The following UTRN variants were observed in gnomAD, a reference collection of about 807,000 sequenced individuals.
The protein encoded by UTRN is utrophin.
A neutral mutation model predicts 463.9 loss-of-function variants in UTRN; 283 were observed. The ratio of observed to expected loss-of-function variants is 0.61; its 90% confidence interval spans 0.55 to 0.67. The LOEUF is 0.67. UTRN is among the 30% of genes least tolerant of loss of function. UTRN has a pLI of 0.00. For missense variants in UTRN, 3,922 were observed against 4,084.3 expected, an observed-to-expected ratio of 0.96 and a Z score of 1.08; for synonymous variants, 1,442 against 1,431.5, an observed-to-expected ratio of 1.01 and a Z score of -0.17.
chr6:144,769,990 C>T (rs773764550), intron 58 of UTRN, among the ~76,000 whole-genome samples: 17 of 152,118 alleles, frequency 1.1e-4, no homozygotes, highest in Admixed American at 2.0e-4. Context: ...CTTCAGTACC[C>T]GGCTCCATGG....
chr6:144,588,087 A>G (rs961923288), intron 51 of UTRN, among the ~76,000 whole-genome samples: 8 of 151,930 alleles, frequency 5.3e-5, no homozygotes, highest in Non-Finnish European at 8.8e-5. Flanking sequence ...TACTTTCTCT[A>G]CTCTGCGTTT....
intron 53 of UTRN, among the ~76,000 whole-genome samples, chr6:144,710,147 G>C (rs912765648): frequency 6.6e-6 from 1 of 152,204 alleles, no homozygotes; most frequent in Non-Finnish European, 1.5e-5. Flanking sequence ...ATGTTTAGGT[G>C]ATGGCTCTGA....
intron 3 of UTRN, among the ~76,000 whole-genome samples, chr6:144,406,306 TC>T (rs1222955997): frequency 1.1e-4 from 16 of 152,018 alleles, no homozygotes; most frequent in Non-Finnish European, 1.6e-4. Flanking sequence ...AATTGGTTCT[TC>T]CATTCCATGC....
At chr6:144,733,763 C>T (rs1488579383) in intron 54 of UTRN, among the ~76,000 whole-genome samples, 3 of 151,998 alleles carry the variant, frequency 2.0e-5, no homozygotes, top group Admixed American at 1.3e-4. Flanking sequence ...TGAACTAGTC[C>T]AAGGCTATTC....
chr6:144,852,916 C>T lies in UTRN; in HGVS notation c.*1919C>T, dbSNP rs1782563435. The T allele has an allele frequency of 6.6e-6, 1 of 152,498 alleles. No homozygotes were observed. The highest frequency in any genetic ancestry group is 2.4e-5 in the African/African-American group (1 of 41,424). The allele number at this position is 152,498 out of a possible 1,614,324, so 9.4% of individuals were successfully genotyped here. The stretch of plus-strand genomic sequence containing the variant: ...AATAAAAAGAAATATATTGCAGTAA[C>T]AATGGGAAGTAAGTATGTAGTTCTT... On this transcript the variant is annotated 3_prime_UTR_variant, in exon 75 of 75. Transcript: ENST00000367545.
At chr6:144,511,600 A>G (rs1483414442) in intron 35 of UTRN, among the ~76,000 whole-genome samples, 2 of 152,222 alleles carry the variant, frequency 1.3e-5, no homozygotes, top group African/African-American at 4.8e-5. Flanking sequence ...TAAAATGGAC[A>G]TTATTATATC....
chr6:144,754,301 G>C (rs1227391260), intron 56 of UTRN, among the ~76,000 whole-genome samples: 1 of 152,158 alleles, frequency 6.6e-6, no homozygotes, highest in Non-Finnish European at 1.5e-5. Context: ...GCAATGCAGA[G>C]TAACAGTTAG....
intron 48 of UTRN, among the ~76,000 whole-genome samples, chr6:144,554,234 G>T (rs12201476): frequency 0.26 from 39,375 of 152,024 alleles, 6,025 homozygotes; most frequent in African/African-American, 0.42. Context: ...ACACAGTTCA[G>T]TTTCTTCTAA....
intron 17 of UTRN, among the ~76,000 whole-genome samples, chr6:144,451,115 A>G (rs978905842): frequency 4.0e-5 from 6 of 149,758 alleles, no homozygotes; most frequent in Non-Finnish European, 8.8e-5. Context: ...CCATCTCGAA[A>G]CAACAACAAC....
intron 65 of UTRN, among the ~76,000 whole-genome samples, chr6:144,812,817 CT>C (rs1381766386): frequency 6.6e-6 from 1 of 152,134 alleles, no homozygotes; most frequent in African/African-American, 2.4e-5. Flanking sequence ...TTCAGTGATA[CT>C]TTCCATATTT....
intron 49 of UTRN, among the ~76,000 whole-genome samples, chr6:144,556,754 C>T (rs976139247): frequency 8.5e-5 from 13 of 152,140 alleles, no homozygotes; most frequent in Admixed American, 8.5e-4. Context: ...AGATGGAAGA[C>T]GTCCATGTTG....
Position 144,652,800 on chromosome 6 carries a change from A to G in UTRN, c.7480-25606A>G, listed in dbSNP as rs76429180. Among the ~76,000 whole-genome samples the G allele has an allele frequency of 3.3e-3, 500 of 152,304 alleles. 4 individuals carry two copies. The highest frequency in any genetic ancestry group is 5.0e-3 in the Non-Finnish European group (342 of 68,022). ...TGTCTGTCCCTTAGAAAAGCTTACC[A>G]TTGACCAGCCCACTGCTGCAGAAAG... On this transcript the variant is annotated intron_variant, in intron 51 of 74. Transcript: ENST00000367545.
chr6:144,379,043 A>C (rs1780694189), intron 2 of UTRN, among the ~76,000 whole-genome samples: 1 of 152,220 alleles, frequency 6.6e-6, no homozygotes, highest in Non-Finnish European at 1.5e-5. Context: ...AATAGATTTG[A>C]GAGAGAAGCA....
intron 5 of UTRN, 96 bp from the exon 6 acceptor site, chr6:144,423,890 A>G (rs1208016231): frequency 1.6e-5 from 20 of 1,229,340 alleles, no homozygotes; most frequent in Non-Finnish European, 2.4e-5. Context: ...TCTCACTTAT[A>G]CTGCTGTCCA....
chr6:144,590,840 A>G (rs1008307270), intron 51 of UTRN, among the ~76,000 whole-genome samples: 6 of 97,954 alleles, frequency 6.1e-5, no homozygotes, highest in East Asian at 2.3e-4. Context: ...CTCTCTCTCA[A>G]TCTACACACA....
At chr6:144,438,641 CA>C in intron 11 of UTRN, 103 bp from the exon 12 acceptor site, 1 of 1,399,444 alleles carries the variant, frequency 7.1e-7, no homozygotes, top group Non-Finnish European at 9.8e-7. Flanking sequence ...AATGTTTAGA[CA>C]AGGGTGTCTT....
Position 144,451,068 on chromosome 6 carries a change from T to C in UTRN, c.2073-302T>C, listed in dbSNP as rs376992227. ...CGGAGGTTGCAGTGAGCCGAGATCGTGCCATTGCACTCAAGCCTGGGTGAC... is the reference window on the plus strand; with the variant it reads ...CGGAGGTTGCAGTGAGCCGAGATCGCGCCATTGCACTCAAGCCTGGGTGAC... On this transcript the variant is annotated intron_variant, in intron 17 of 74. Transcript: ENST00000367545. 6.6e-4 allele frequency among the ~76,000 whole-genome samples: 100 copies of C among 152,280 alleles called. 1 individual carries two copies. The highest frequency in any genetic ancestry group is 3.5e-3 in the East Asian group (18 of 5,182).
chr6:144,560,245 C>A (rs971836681), intron 50 of UTRN, among the ~76,000 whole-genome samples: 1 of 152,062 alleles, frequency 6.6e-6, no homozygotes, highest in Non-Finnish European at 1.5e-5. Context: ...AAGCCAGGCT[C>A]TTATTGTCTC....
At chr6:144,417,870 G>T (rs761968567) in intron 3 of UTRN, among the ~76,000 whole-genome samples, 12 of 152,140 alleles carry the variant, frequency 7.9e-5, no homozygotes, top group Non-Finnish European at 1.0e-4. Context: ...AGACTTGTGA[G>T]ATCTTTCTCT....
Sources: gnomAD v4.1 joint callset for allele counts (sites outside exome capture counted in the v4.1 genomes callset) on GRCh38, gnomAD v4.1.1 for gene constraint, MANE v1.5 for transcripts, NCBI Gene and HGNC (gene_info 2026-07-23, HGNC 2026-07-21) for gene names.